Variants in LAMA3 observed in about 807,000 individuals in gnomAD.
LAMA3 encodes laminin subunit alpha-3.
A neutral mutation model predicts 402.0 loss-of-function variants in LAMA3; 281 were observed. The ratio of observed to expected loss-of-function variants is 0.70; its 90% CI spans 0.63 to 0.77. The LOEUF (loss-of-function observed/expected upper bound fraction) is 0.77. Ranked by LOEUF, LAMA3 falls within the 30% of genes least tolerant of loss-of-function variation. The probability of loss-of-function intolerance (pLI) is 0.00; values close to 1 mark genes in which losing one functional copy is unlikely to be tolerated. For synonymous variants in LAMA3, 1,431 were observed against 1,558.4 expected, an observed-to-expected ratio of 0.92 and a Z score of 1.93; for missense variants, 3,840 against 4,215.5, an observed-to-expected ratio of 0.91 and a Z score of 2.47.
intron 64 of LAMA3, among the ~76,000 whole-genome samples, chr18:23,930,099 T>A (rs550629583): frequency 6.6e-6 from 1 of 152,232 alleles, no homozygotes; most frequent in Admixed American, 6.5e-5. Flanking sequence ...AAACTTGTTT[T>A]AGACTGAAAT....
chr18:23,847,940 A>G (rs986697531), intron 32 of LAMA3, among the ~76,000 whole-genome samples: 3 of 152,190 alleles, frequency 2.0e-5, no homozygotes, highest in Admixed American at 2.0e-4. Flanking sequence ...TCACTATGGG[A>G]CTGTGTTCTG....
intron 1 of LAMA3, among the ~76,000 whole-genome samples, chr18:23,705,171 A>G (rs1159845186): frequency 2.0e-5 from 3 of 152,124 alleles, no homozygotes; most frequent in Non-Finnish European, 4.4e-5. Flanking sequence ...CATTTGGTAC[A>G]GAGTAGATGA....
rs2081181550 is a variant in LAMA3 at position 23,904,586 on chromosome 18, G to A, written c.6507G>A (p.Val2169=). The A allele has an allele frequency of 6.2e-7, 1 of 1,608,786 alleles. No individual in the cohort carries two copies. The highest frequency in any genetic ancestry group is 8.5e-7 in the Non-Finnish European group (1 of 1,177,772). ...GAAACGCCAGCGGGGATGAGCTGGT[G>A]CGCTGTGCTGTGGATGCCGCCACCG... ...IKRNASGDEL[V]RCAVDAATAY... is the part of the protein sequence containing the mutation. The change falls in exon 51 of 75, where the codon GTG becomes GTA. Residue 2169 remains valine, a synonymous_variant. Coordinates refer to ENST00000313654, the MANE Select transcript of LAMA3 (RefSeq NM_198129.4).
chr18:23,884,922 G>A, intron 41 of LAMA3, 69 bp downstream of exon 41: 1 of 1,222,456 alleles, frequency 8.2e-7, no homozygotes, highest in Non-Finnish European at 1.2e-6. Context: ...GGGCTGCCAG[G>A]TGCTGGCACA....
rs1332157446 is a variant in LAMA3 at position 23,710,301 on chromosome 18, C to G, written c.295-3619C>G. 2.0e-5 allele frequency: 10 copies of G among 489,918 alleles called. No homozygotes were observed. In the East Asian group the frequency reaches 4.5e-4, roughly 22 times the overall value. 30.3% of individuals were successfully genotyped at this position (489,918 alleles called of 1,614,324 possible). A position where few individuals can be genotyped will look rare whatever the true frequency, so the allele number is the denominator to read the frequency against. Reference sequence around the variant, plus strand: ...CTTCGGCGCCATCTTGTGAAAAGACCGCAAGTTTGATTTTCAAAAGTATTG... The same window carrying G: ...CTTCGGCGCCATCTTGTGAAAAGACGGCAAGTTTGATTTTCAAAAGTATTG... On this transcript the variant is annotated intron_variant, in intron 1 of 74. Coordinates refer to ENST00000313654, the MANE Select transcript of LAMA3 (RefSeq NM_198129.4).
chr18:23,768,953 T>C (rs923769296), intron 8 of LAMA3, among the ~76,000 whole-genome samples: 1 of 152,004 alleles, frequency 6.6e-6, no homozygotes, highest in Non-Finnish European at 1.5e-5. Context: ...CTCATGGACA[T>C]AAAGGTGGAA....
intron 2 of LAMA3, among the ~76,000 whole-genome samples, chr18:23,732,169 T>A (rs1335342028): frequency 3.0e-4 from 46 of 152,188 alleles, no homozygotes; most frequent in Admixed American, 2.9e-3. Flanking sequence ...ATTTCTAAGA[T>A]GCCCCTTGAT....
intron 48 of LAMA3, among the ~76,000 whole-genome samples, chr18:23,901,974 G>T (rs143326880): frequency 6.6e-6 from 1 of 152,202 alleles, no homozygotes; most frequent in Non-Finnish European, 1.5e-5. Flanking sequence ...GATTACAGGC[G>T]TGAGCCACCA....
intron 27 of LAMA3, 111 bp downstream of exon 27, chr18:23,840,040 C>G: frequency 1.7e-6 from 2 of 1,183,042 alleles, no homozygotes; most frequent in Non-Finnish European, 1.2e-6. Context: ...CCACTACAGA[C>G]CTACTGAGTT....
chr18:23,719,286 G>A (rs2061167714), intron 2 of LAMA3, among the ~76,000 whole-genome samples: 1 of 152,076 alleles, frequency 6.6e-6, no homozygotes, highest in Non-Finnish European at 1.5e-5. Flanking sequence ...CTTGAGCACA[G>A]GAGTTAAATC....
chr18:23,786,629 C>T (rs2062550100), intron 12 of LAMA3, among the ~76,000 whole-genome samples: 1 of 152,164 alleles, frequency 6.6e-6, no homozygotes, highest in South Asian at 2.1e-4. Flanking sequence ...GTGACCCATA[C>T]ATAGGGGAAG....
In LAMA3 at chr18:23,899,332, G is replaced by A. The variant is rs140913933; in HGVS notation, c.5881G>A (p.Val1961Met). The change falls in exon 47 of 75, where the codon GTG becomes ATG. Residue 1961 changes from valine to methionine, a missense_variant. By Grantham distance (21) the Val-to-Met change is conservative. This residue lies in a region of LAMA3 where 891 missense variants were observed against 857.5 expected (regional missense o/e 1.04). Coordinates refer to ENST00000313654, the MANE Select transcript of LAMA3 (RefSeq NM_198129.4). Reference sequence around the variant, plus strand: ...TGGGACAGATGGAGAGGGAAACAACGTGCCTTCAGGTGACTTTTCCAGAGA... The same window carrying A: ...TGGGACAGATGGAGAGGGAAACAACATGCCTTCAGGTGACTTTTCCAGAGA... ...ISGTDGEGNNVPSGDFSREWA... is the reference protein window; with the variant it reads ...ISGTDGEGNNMPSGDFSREWA... The A allele has an allele frequency of 1.1e-4, 170 of 1,613,808 alleles. 1 individual carries two copies. Among genetic ancestry groups the A allele is most frequent in the Non-Finnish European group, 1.3e-4 (158 of 1,179,992 alleles).
chr18:23,868,641 GC>G (rs1334410941), intron 37 of LAMA3, among the ~76,000 whole-genome samples: 8 of 152,142 alleles, frequency 5.3e-5, no homozygotes, highest in Non-Finnish European at 1.2e-4. Context: ...AAACCTGTGA[GC>G]TTATAAATGC....
intron 60 of LAMA3, among the ~76,000 whole-genome samples, chr18:23,917,478 G>T (rs960570458): frequency 6.6e-6 from 1 of 152,102 alleles, no homozygotes; most frequent in Non-Finnish European, 1.5e-5. Flanking sequence ...TTACATTCCC[G>T]CCAGCAGTGT....
intron 12 of LAMA3, among the ~76,000 whole-genome samples, chr18:23,787,440 C>G (rs2062567688): frequency 6.6e-6 from 1 of 151,868 alleles, no homozygotes; most frequent in African/African-American, 2.4e-5. Context: ...AATGAAAAGC[C>G]ATCTATACAG....
chr18:23,872,952 G>A, intron 38 of LAMA3: 1 of 1,535,104 alleles, frequency 6.5e-7, no homozygotes, highest in African/African-American at 1.4e-5. Flanking sequence ...TTCCTCACCT[G>A]AGTCAGGCAG....
chr18:23,826,362 A>G (rs2063382075), intron 21 of LAMA3, among the ~76,000 whole-genome samples: 2 of 152,248 alleles, frequency 1.3e-5, no homozygotes, highest in Admixed American at 1.3e-4. Context: ...GCTGAAGGCA[A>G]CCAGCATTTC....
At chr18:23,950,493 T>G (rs1439421681) in intron 72 of LAMA3, among the ~76,000 whole-genome samples, 2 of 152,214 alleles carry the variant, frequency 1.3e-5, no homozygotes, top group East Asian at 1.9e-4. Flanking sequence ...TTGTCAAGAT[T>G]ATAGAAATCG....
At chr18:23,864,961 T>C (rs1009813166) in intron 36 of LAMA3, 78 bp downstream of exon 36, 3 of 875,876 alleles carry the variant, frequency 3.4e-6, no homozygotes, top group Middle Eastern at 2.2e-4. Flanking sequence ...GACATCTTGA[T>C]ATGTGGCCTA....
Sources: gnomAD v4.1 joint callset for allele counts (sites outside exome capture counted in the v4.1 genomes callset) on GRCh38, gnomAD v4.1.1 for gene constraint, gnomAD v4.1.1 regional missense constraint, MANE v1.5 for transcripts, NCBI Gene and HGNC (gene_info 2026-07-23, HGNC 2026-07-21) for gene names.